Variants in CCDC93 observed in about 807,000 individuals in gnomAD.
The protein encoded by CCDC93 is CCC complex scaffolding subunit CCDC93, also known as coiled-coil domain-containing protein 93.
CCDC93 carries 61 observed loss-of-function variants against 108.2 expected under a neutral mutation model. That is an observed-to-expected ratio of 0.56 (90% CI 0.46 to 0.70). CCDC93 has a LOEUF of 0.70. CCDC93 is among the 30% of genes least tolerant of loss of function. The probability of loss-of-function intolerance (pLI) is 0.00; values close to 1 mark genes in which losing one functional copy is unlikely to be tolerated. For synonymous variants in CCDC93, 276 were observed against 260.4 expected, an observed-to-expected ratio of 1.06 and a Z score of -0.58; for missense variants, 685 against 764.2, an observed-to-expected ratio of 0.90 and a Z score of 1.22.
At chr2:117,943,827 T>C (rs1007847911) in intron 18 of CCDC93, among the ~76,000 whole-genome samples, 197 bp downstream of exon 18, 2 of 152,204 alleles carry the variant, frequency 1.3e-5, no homozygotes, top group African/African-American at 4.8e-5. Flanking sequence ...GTGAAAGTAA[T>C]ATACCAACAA....
In CCDC93 at chr2:118,006,709, T is replaced by C. The variant is rs750338349; in HGVS notation, c.251+13A>G. 13 of 1,535,486 alleles carry C rather than the reference T, an allele frequency of 8.5e-6. No homozygotes were observed. The highest frequency in any genetic ancestry group is 5.4e-6 in the Non-Finnish European group (6 of 1,108,522). ...CTTCTCCCCACCTTTAGGTTTTCCA[T>C]AGAAAAACTTACATTTTTTGACCTA... On this transcript the variant is annotated intron_variant, in intron 3 of 23. Coordinates refer to ENST00000376300, the MANE Select transcript of CCDC93 (RefSeq NM_019044.5).
At chr2:117,924,620 G>A (rs1678011479) in intron 23 of CCDC93, among the ~76,000 whole-genome samples, 2 of 152,174 alleles carry the variant, frequency 1.3e-5, no homozygotes, top group Non-Finnish European at 2.9e-5. Flanking sequence ...CAAGAAATAT[G>A]GGACTATGTG....
At chr2:117,928,277 A>G (rs945362570) in intron 23 of CCDC93, among the ~76,000 whole-genome samples, 3 of 152,226 alleles carry the variant, frequency 2.0e-5, no homozygotes, top group African/African-American at 7.2e-5. Flanking sequence ...TCATTAAACT[A>G]AAGAGCTTCT....
Position 117,952,423 on chromosome 2 carries a change from G to T in CCDC93, c.1018C>A (p.His340Asn). ...TKHLEELRAS[H>N]TSLQARYNEA... ...TTATATCTGGCTTGTAGGCTGGTGT[G>T]ACTTGCTCGCAGCTGTAAATGAAAG... Residue 340 changes from histidine (H) to asparagine (N), a missense_variant, in exon 13 of 24, where the codon CAC becomes AAC. By Grantham distance (68) the His-to-Asn change is moderately conservative. Coordinates refer to ENST00000376300, the MANE Select transcript of CCDC93 (RefSeq NM_019044.5). 6.2e-7 allele frequency: 1 copy of T among 1,612,602 alleles called. No individual in the cohort carries two copies.
At chr2:117,958,509 A>G (rs1325910432) in intron 11 of CCDC93, 28 bp from the exon 12 acceptor site, 2 of 1,315,292 alleles carry the variant, frequency 1.5e-6, no homozygotes, top group Non-Finnish European at 2.2e-6. Flanking sequence ...GGCAAATCCA[A>G]AGGATTTAGT....
At chr2:117,932,491 T>G (rs1678373961) in intron 22 of CCDC93, among the ~76,000 whole-genome samples, 6 of 152,196 alleles carry the variant, frequency 3.9e-5, no homozygotes, top group Admixed American at 3.9e-4. Context: ...GGGGACTGAT[T>G]TGCCTAGTCA....
chr2:117,936,177 AG>A (rs1245375968), intron 21 of CCDC93, among the ~76,000 whole-genome samples: 1 of 152,038 alleles, frequency 6.6e-6, no homozygotes, highest in African/African-American at 2.4e-5. Context: ...TGTGCCAGAG[AG>A]AAGGGAAGCA....
At chr2:117,968,717 T>C (rs559073459) in intron 11 of CCDC93, among the ~76,000 whole-genome samples, 1 of 152,344 alleles carries the variant, frequency 6.6e-6, no homozygotes, top group South Asian at 2.1e-4. Flanking sequence ...TCTGGCAGGC[T>C]ATTCAATTTA....
intron 6 of CCDC93, among the ~76,000 whole-genome samples, chr2:117,990,131 A>T (rs1234574599): frequency 6.6e-6 from 1 of 152,280 alleles, no homozygotes; most frequent in Admixed American, 6.5e-5. Flanking sequence ...AAGAGGGAGT[A>T]AAAGACCTCA....
chr2:118,001,222 C>T (rs960901513), intron 3 of CCDC93: 8 of 245,172 alleles, frequency 3.3e-5, no homozygotes, highest in South Asian at 1.0e-4. Context: ...TAGAGGTAGT[C>T]GTTACTATTT....
intron 11 of CCDC93, among the ~76,000 whole-genome samples, chr2:117,959,077 G>T (rs758674088): frequency 6.6e-6 from 1 of 152,176 alleles, no homozygotes; most frequent in Non-Finnish European, 1.5e-5. Flanking sequence ...AAGGGAGGAG[G>T]GGGTGGAGAA....
intron 18 of CCDC93, among the ~76,000 whole-genome samples, chr2:117,943,110 C>A (rs1678757544): frequency 6.6e-6 from 1 of 152,202 alleles, no homozygotes; most frequent in Admixed American, 6.5e-5. Context: ...CAGGCCCTTG[C>A]CCTCAGCAAG....
intron 16 of CCDC93, among the ~76,000 whole-genome samples, chr2:117,946,465 G>C (rs1019372163): frequency 1.3e-5 from 2 of 152,220 alleles, no homozygotes; most frequent in East Asian, 1.9e-4. Context: ...CAGGAAAGGA[G>C]AAAGGTGAAA....
At chr2:117,994,183 G>A (rs1461045574) in intron 6 of CCDC93, among the ~76,000 whole-genome samples, 3 of 149,186 alleles carry the variant, frequency 2.0e-5, no homozygotes, top group African/African-American at 7.5e-5. Flanking sequence ...GGTTGCTTCC[G>A]TGTTGTGAAA....
At chr2:117,940,581 GAA>G (rs904032074) in intron 19 of CCDC93, among the ~76,000 whole-genome samples, 2 of 152,220 alleles carry the variant, frequency 1.3e-5, no homozygotes, top group African/African-American at 4.8e-5. Flanking sequence ...AGCAGAGAGA[GAA>G]GTGACAGAAT....
At chr2:117,974,966 C>T in intron 9 of CCDC93, 66 bp from the exon 10 acceptor site, 2 of 1,331,582 alleles carry the variant, frequency 1.5e-6, no homozygotes, top group South Asian at 1.2e-5. Context: ...AGCAATATGC[C>T]TACATGGATC....
intron 11 of CCDC93, among the ~76,000 whole-genome samples, chr2:117,971,042 T>G (rs925320953): frequency 6.6e-6 from 1 of 152,200 alleles, no homozygotes; most frequent in Admixed American, 6.5e-5. Flanking sequence ...TGCGCTGTAT[T>G]AACACATAAA....
intron 20 of CCDC93, among the ~76,000 whole-genome samples, chr2:117,938,635 G>A (rs1461793451): frequency 2.0e-5 from 3 of 150,670 alleles, no homozygotes; most frequent in East Asian, 3.9e-4. Flanking sequence ...TTTAGTTCAC[G>A]CCTTTGTCGG....
At chr2:117,956,358 G>A (rs1245400240) in intron 12 of CCDC93, among the ~76,000 whole-genome samples, 1 of 152,218 alleles carries the variant, frequency 6.6e-6, no homozygotes, top group African/African-American at 2.4e-5. Flanking sequence ...AGGGAGGATT[G>A]CCCTGTCAGC....
Sources: allele counts gnomAD v4.1 joint callset (sites outside exome capture counted in the v4.1 genomes callset), GRCh38; gene constraint gnomAD v4.1.1; transcripts MANE v1.5; gene names NCBI Gene and HGNC (gene_info 2026-07-23, HGNC 2026-07-21).